CCDC73: variants seen among roughly 807,000 people sequenced by gnomAD.
CCDC73 encodes coiled-coil domain containing 73, also known as coiled-coil domain-containing protein 73.
Under a neutral mutation model 116.5 loss-of-function variants are expected in CCDC73, and 95 were observed. The ratio of observed to expected loss-of-function variants is 0.82; its 90% CI spans 0.69 to 0.97. The LOEUF (loss-of-function observed/expected upper bound fraction) is 0.97. Among genes scored for constraint, CCDC73 ranks in the 50% least tolerant of loss-of-function variants. The pLI, the probability that CCDC73 is intolerant of heterozygous loss-of-function variation, is 0.00. For synonymous variants in CCDC73, 398 were observed against 401.3 expected (o/e 0.99, Z 0.10); for missense variants, 1,066 against 1,206.8 (o/e 0.88, Z 1.73).
intron 14 of CCDC73, among the ~76,000 whole-genome samples, chr11:32,619,506 A>G (rs1253623651): frequency 6.6e-6 from 1 of 152,130 alleles, no homozygotes; most frequent in East Asian, 1.9e-4. Flanking sequence ...CCCCATCTCT[A>G]TGAAATATTT....
chr11:32,791,991 T>TACACACAC (rs66955881), intron 1 of CCDC73, among the ~76,000 whole-genome samples: 1 of 145,130 alleles, frequency 6.9e-6, no homozygotes. Context: ...CACACACACA[T>TACACACAC]ACACACACAC....
intron 6 of CCDC73, among the ~76,000 whole-genome samples, chr11:32,690,363 A>G (rs1356477439): frequency 1.3e-5 from 2 of 152,158 alleles, no homozygotes; most frequent in Non-Finnish European, 2.9e-5. Context: ...GAAGGTAAAG[A>G]GATATACCAT....
chr11:32,671,398 CAAAAA>C (rs58075036), intron 9 of CCDC73, among the ~76,000 whole-genome samples: 3 of 122,412 alleles, frequency 2.5e-5, no homozygotes, highest in Non-Finnish European at 3.5e-5. Flanking sequence ...AACTTTGCTC[CAAAAA>C]AAAAAAAAAA....
At chr11:32,663,891 G>A (rs531609773) in intron 9 of CCDC73, among the ~76,000 whole-genome samples, 123 of 152,214 alleles carry the variant, frequency 8.1e-4, no homozygotes, top group African/African-American at 2.9e-3. Flanking sequence ...TAGCATGAAG[G>A]GCTGTTGAAT....
intron 2 of CCDC73, among the ~76,000 whole-genome samples, chr11:32,750,984 G>T (rs1850283090): frequency 6.6e-6 from 1 of 152,152 alleles, no homozygotes; most frequent in Non-Finnish European, 1.5e-5. Flanking sequence ...CCTGGTTATT[G>T]CTGCCGATTA....
At chr11:32,762,781 G>C (rs1850403190) in intron 1 of CCDC73, among the ~76,000 whole-genome samples, 1 of 152,168 alleles carries the variant, frequency 6.6e-6, no homozygotes, top group Admixed American at 6.5e-5. Context: ...CACCGAGTGA[G>C]AGTGGAAGCA....
intron 3 of CCDC73, among the ~76,000 whole-genome samples, chr11:32,711,379 T>C (rs1484020816): frequency 6.6e-6 from 1 of 152,146 alleles, no homozygotes; most frequent in African/African-American, 2.4e-5. Flanking sequence ...TGCAAAAATA[T>C]GGAACCAGTC....
upstream of CCDC73, among the ~76,000 whole-genome samples, chr11:32,799,492 T>C (rs2133415074): frequency 1.3e-5 from 2 of 152,286 alleles, no homozygotes; most frequent in Admixed American, 1.3e-4. Flanking sequence ...TGTGGGTTTT[T>C]TTTAATGAAT....
chr11:32,639,712 G>T (rs1473946511), intron 13 of CCDC73, among the ~76,000 whole-genome samples: 1 of 152,100 alleles, frequency 6.6e-6, no homozygotes, highest in African/African-American at 2.4e-5. Flanking sequence ...GCCTCCCAAA[G>T]TGCTGGGATT....
At chr11:32,670,214 G>A (rs891613126) in intron 9 of CCDC73, among the ~76,000 whole-genome samples, 2 of 152,110 alleles carry the variant, frequency 1.3e-5, no homozygotes, top group African/African-American at 4.8e-5. Flanking sequence ...ATATCCACAT[G>A]ACTTAGAAAG....
chr11:32,671,850 T>C (rs967824878), intron 9 of CCDC73, among the ~76,000 whole-genome samples: 1 of 152,198 alleles, frequency 6.6e-6, no homozygotes, highest in Non-Finnish European at 1.5e-5. Flanking sequence ...CACTACTGCA[T>C]GACATGTTAG....
At chr11:32,822,817 A>G in the CCDC73 span, among the ~76,000 whole-genome samples, 1 of 152,168 alleles carries the variant, frequency 6.6e-6, no homozygotes, top group African/African-American at 2.4e-5. Context: ...GGGAACCTAC[A>G]AACAAAAATA....
chr11:32,636,205 A>T (rs1565062917), intron 13 of CCDC73, among the ~76,000 whole-genome samples: 1 of 152,184 alleles, frequency 6.6e-6, no homozygotes, highest in Non-Finnish European at 1.5e-5. Context: ...TCATAAAAAA[A>T]TTTATTTAAA....
intron 1 of CCDC73, among the ~76,000 whole-genome samples, chr11:32,779,005 A>G (rs1273179700): frequency 1.3e-5 from 2 of 152,188 alleles, no homozygotes; most frequent in African/African-American, 4.8e-5. Context: ...TCTTAAGTAA[A>G]TAATCTCTGG....
At chr11:32,617,240 A>G (rs1164129273) in intron 14 of CCDC73, among the ~76,000 whole-genome samples, 5 of 152,222 alleles carry the variant, frequency 3.3e-5, no homozygotes. Context: ...GGTTTTAAAC[A>G]AGGAATGAAT....
chr11:32,743,142 CT>C (rs1171114931), intron 2 of CCDC73, among the ~76,000 whole-genome samples: 2 of 152,248 alleles, frequency 1.3e-5, no homozygotes, highest in East Asian at 3.9e-4. Flanking sequence ...AATGCGGGCT[CT>C]TTTTTGGTTC....
At chr11:32,687,808 C>T (rs1435426100) in intron 6 of CCDC73, among the ~76,000 whole-genome samples, 5 of 151,936 alleles carry the variant, frequency 3.3e-5, no homozygotes, top group African/African-American at 1.2e-4. Flanking sequence ...ACCAGGGTAA[C>T]ATGGAGAAAT....
Position 32,776,053 on chromosome 11 carries a change from T to C in CCDC73, c.-15-15795A>G, listed in dbSNP as rs189900742. Among the ~76,000 whole-genome samples, 7 of 152,308 alleles carry C rather than the reference T, an allele frequency of 4.6e-5. No individual in the cohort carries two copies. The East Asian group carries it at 1.3e-3, about 29-fold the overall frequency. Reference sequence around the variant, plus strand: ...CTTTCTCTTTCTCTCTCTCTGCTTCTCCACCTCTTGTTCACTTTCTCTGTC... The same window carrying C: ...CTTTCTCTTTCTCTCTCTCTGCTTCCCCACCTCTTGTTCACTTTCTCTGTC... On this transcript the variant is annotated intron_variant, in intron 1 of 17. Transcript: ENST00000335185.
At chr11:32,711,290 G>A (rs1488415898) in intron 3 of CCDC73, among the ~76,000 whole-genome samples, 1 of 152,068 alleles carries the variant, frequency 6.6e-6, no homozygotes, top group Non-Finnish European at 1.5e-5. Context: ...CCACTACTAG[G>A]TTTCAACCCA....
Sources: allele counts gnomAD v4.1 joint callset (sites outside exome capture counted in the v4.1 genomes callset), GRCh38; gene constraint gnomAD v4.1.1; transcripts MANE v1.5; gene names NCBI Gene and HGNC (gene_info 2026-07-23, HGNC 2026-07-21).